Variants in CPLX2 observed in about 807,000 individuals in gnomAD.
CPLX2 encodes the protein complexin 2, also known as complexin-2.
CPLX2 carries 5 observed loss-of-function variants against 16.3 expected under a neutral mutation model. That is an observed-to-expected ratio of 0.31 (90% CI 0.16 to 0.64). The LOEUF is 0.64. Among genes scored for constraint, CPLX2 ranks in the 30% least tolerant of loss-of-function variants. The pLI is 0.79. For synonymous variants in CPLX2, 89 were observed against 73.2 expected (o/e 1.22, Z -1.10); for missense variants, 144 against 181.4 (o/e 0.79, Z 1.18).
chr5:175,834,376 G>A (rs1758786444), intron 2 of CPLX2, among the ~76,000 whole-genome samples: 1 of 152,176 alleles, frequency 6.6e-6, no homozygotes, highest in Non-Finnish European at 1.5e-5. Flanking sequence ...CAGGGCCCGG[G>A]TGCCAGGCTC....
intron 2 of CPLX2, among the ~76,000 whole-genome samples, chr5:175,818,650 C>CTTTTTTTTTTTTT: frequency 2.0e-5 from 1 of 50,808 alleles, no homozygotes; most frequent in Non-Finnish European, 3.5e-5. Context: ...CTGTCCCAAC[C>CTTTTTTTTTTTTT]TTTTTTTTTT....
chr5:175,865,042 T>A (rs1323004057), intron 2 of CPLX2, among the ~76,000 whole-genome samples: 1 of 151,458 alleles, frequency 6.6e-6, no homozygotes, highest in Non-Finnish European at 1.5e-5. Context: ...CCTCCCTTCA[T>A]CCAACCCTCC....
At chr5:175,877,868 G>A (rs943909544) in intron 1 of CPLX2, among the ~76,000 whole-genome samples, 2 of 152,150 alleles carry the variant, frequency 1.3e-5, no homozygotes, top group Non-Finnish European at 2.9e-5. Flanking sequence ...ACTGAAAGCC[G>A]GTGATTTAGG....
intron 2 of CPLX2, among the ~76,000 whole-genome samples, chr5:175,850,299 G>A (rs766278456): frequency 5.9e-5 from 9 of 152,328 alleles, no homozygotes; most frequent in South Asian, 2.1e-4. Context: ...TATTTGGGCC[G>A]TGCCTTGAAG....
chr5:175,872,606 C>T lies in CPLX2; in HGVS notation c.-89+901C>T, dbSNP rs1255528204. On this transcript the variant is annotated intron_variant, in intron 1 of 3. Transcript: ENST00000393745. This position sits in a 1 kb window ranked among gnomAD's most constrained non-coding sequence, Gnocchi z 5.0. The stretch of plus-strand genomic sequence containing the variant: ...AAACGGGAACCCCCGGCCACTTCCG[C>T]TTTTCAGCCGGAGTCGGCTCCCTAC... 6.6e-6 allele frequency among the ~76,000 whole-genome samples: 1 copy of T among 152,156 alleles called. No individual in the cohort carries two copies. Among genetic ancestry groups the T allele is most frequent in the Non-Finnish European group, 1.5e-5 (1 of 68,020 alleles).
Position 175,839,415 on chromosome 5 carries a change from A to T in CPLX2, c.-89+30347A>T, listed in dbSNP as rs182418847. ...ATTCTCCTGCCTCAGCCTCCCAAGTAGCTGGGATTACGGGCATGCACCACC... is the reference window on the plus strand; with the variant it reads ...ATTCTCCTGCCTCAGCCTCCCAAGTTGCTGGGATTACGGGCATGCACCACC... On this transcript the variant is annotated intron_variant, in intron 2 of 4. Transcript: ENST00000359546. 5.5e-3 allele frequency among the ~76,000 whole-genome samples: 830 copies of T among 152,080 alleles called. 13 individuals are homozygous for T. The highest frequency in any genetic ancestry group is 7.4e-3 in the Non-Finnish European group (505 of 68,000).
chr5:175,859,525 G>A (rs75169326), intron 2 of CPLX2, among the ~76,000 whole-genome samples: 6 of 152,350 alleles, frequency 3.9e-5, no homozygotes, highest in African/African-American at 1.4e-4. Context: ...GCAGGCAAAT[G>A]TTCCAACTCC....
intron 1 of CPLX2, among the ~76,000 whole-genome samples, chr5:175,808,210 C>T (rs951512043): frequency 6.6e-6 from 1 of 152,170 alleles, no homozygotes; most frequent in South Asian, 2.1e-4. Context: ...GACCATCTCC[C>T]CCTCTCCGCA....
intron 1 of CPLX2, among the ~76,000 whole-genome samples, chr5:175,798,893 T>A (rs1758038977): frequency 6.6e-6 from 1 of 152,158 alleles, no homozygotes; most frequent in African/African-American, 2.4e-5. Flanking sequence ...CATCATTTCA[T>A]ACAGAGGGAT....
At chr5:175,805,670 ACAGT>A (rs1160856568) in intron 1 of CPLX2, 5 of 152,406 alleles carry the variant, frequency 3.3e-5, no homozygotes, top group Non-Finnish European at 7.3e-5. Context: ...TCCTTCCAGC[ACAGT>A]CAGAGGAGCT....
intron 1 of CPLX2, among the ~76,000 whole-genome samples, chr5:175,877,791 G>T (rs773040320): frequency 7.9e-5 from 12 of 152,132 alleles, no homozygotes; most frequent in Non-Finnish European, 1.2e-4. Flanking sequence ...TGCATATTGA[G>T]AATCCCATTA....
intron 2 of CPLX2, among the ~76,000 whole-genome samples, chr5:175,860,658 GGTTCCAGCTAAA>G (rs966251664): frequency 6.7e-6 from 1 of 149,504 alleles, no homozygotes; most frequent in African/African-American, 2.5e-5. Context: ...CTTTCCTGTT[GGTTCCAGCTAAA>G]GTCCCAGGGC....
At chr5:175,807,876 T>G (rs1758239414) in intron 1 of CPLX2, among the ~76,000 whole-genome samples, 1 of 152,218 alleles carries the variant, frequency 6.6e-6, no homozygotes, top group South Asian at 2.1e-4. Context: ...GGCTGATCCC[T>G]GTGGGAATCC....
chr5:175,839,371 C>T (rs886182662), intron 2 of CPLX2, among the ~76,000 whole-genome samples: 4 of 151,990 alleles, frequency 2.6e-5, no homozygotes, highest in African/African-American at 9.7e-5. Flanking sequence ...CTGCAACCTC[C>T]GTCTCCCAGG....
At chr5:175,802,633 G>C (rs1417115848) in intron 1 of CPLX2, among the ~76,000 whole-genome samples, 1 of 152,152 alleles carries the variant, frequency 6.6e-6, no homozygotes, top group Admixed American at 6.5e-5. Context: ...CACCTCTGCA[G>C]AGTAGGGCAT....
At chr5:175,820,850 G>A (rs1233401663) in intron 2 of CPLX2, among the ~76,000 whole-genome samples, 2 of 152,284 alleles carry the variant, frequency 1.3e-5, no homozygotes, top group Admixed American at 6.5e-5. Context: ...ATGGTAAACA[G>A]GATGCCTTTG....
rs117240224 is a variant in CPLX2 at position 175,806,449 on chromosome 5, G to A, written c.-168-2540G>A. 3.5e-4 allele frequency among the ~76,000 whole-genome samples: 53 copies of A among 152,262 alleles called. No individual in the cohort carries two copies. In the East Asian group the frequency reaches 8.3e-3, roughly 24 times the overall value. ...GTGTTAGAGGGGGTGACACACTGTA[G>A]CTTAAGGATCTGCTTTCCTGCTCGT... On this transcript the variant is annotated intron_variant, in intron 1 of 4. Transcript: ENST00000359546.
chr5:175,879,823 G>A lies in CPLX2; in HGVS notation c.208-25G>A, dbSNP rs778304166. ...TCTCCTTGCCCACCCCGCTTCATGC[G>A]CGTCTCTGCCCTCCCCCTCCCCAGT... On this transcript the variant is annotated intron_variant, in intron 3 of 3. Transcript: ENST00000393745. 8.8e-6 allele frequency: 14 copies of A among 1,597,352 alleles called. 1 individual carries two copies. The African/African-American group carries it at 9.3e-5, about 11-fold the overall frequency.
At chr5:175,836,117 A>C (rs374873817) in intron 2 of CPLX2, among the ~76,000 whole-genome samples, 1 of 152,120 alleles carries the variant, frequency 6.6e-6, no homozygotes. Context: ...TTGGGAGGCC[A>C]AGGCGGGCAG....
Sources: allele counts gnomAD v4.1 joint callset (sites outside exome capture counted in the v4.1 genomes callset), GRCh38; gene constraint gnomAD v4.1.1; non-coding constraint Gnocchi (gnomAD v3.1); transcripts MANE v1.5; gene names NCBI Gene and HGNC (gene_info 2026-07-23, HGNC 2026-07-21).